The following ARHGAP8 variants were observed in gnomAD, a reference collection of about 807,000 sequenced individuals.
ARHGAP8 encodes the protein Rho GTPase activating protein 8.
ARHGAP8 carries 62 observed loss-of-function variants against 46.1 expected under a neutral mutation model. That is an observed-to-expected ratio of 1.34 (90% CI 1.10 to 1.66). The LOEUF is 1.66. ARHGAP8 is among the 40% of genes most tolerant of loss of function. The probability of loss-of-function intolerance (pLI) is 0.00; values close to 1 mark genes in which losing one functional copy is unlikely to be tolerated. For missense variants in ARHGAP8, 923 were observed against 568.4 expected, an observed-to-expected ratio of 1.62 and a Z score of -6.34; for synonymous variants, 375 against 243.1, an observed-to-expected ratio of 1.54 and a Z score of -5.05.
intron 4 of ARHGAP8, chr22:44,809,613 C>A (rs1261174769): frequency 1.1e-5 from 2 of 174,188 alleles, no homozygotes; most frequent in Admixed American, 6.0e-5. Flanking sequence ...CCCAGGCCCC[C>A]GCCTCCCTCT....
At chr22:44,823,128 A>G (rs1408389072) in intron 6 of ARHGAP8, among the ~76,000 whole-genome samples, 2 of 152,200 alleles carry the variant, frequency 1.3e-5, no homozygotes, top group East Asian at 3.9e-4. Flanking sequence ...TGCAGGGGTA[A>G]TGGAGATAAT....
At chr22:44,779,156 G>A (rs1043674740) in intron 1 of ARHGAP8, among the ~76,000 whole-genome samples, 2 of 147,800 alleles carry the variant, frequency 1.4e-5, no homozygotes, top group African/African-American at 5.0e-5. Flanking sequence ...CTGGAGTGCA[G>A]TGGCGCGATC....
intron 7 of ARHGAP8, among the ~76,000 whole-genome samples, chr22:44,844,197 C>G (rs778173945): frequency 8.5e-5 from 13 of 152,096 alleles, no homozygotes; most frequent in Non-Finnish European, 1.6e-4. Flanking sequence ...GGCTTGAACT[C>G]CTGACCTCGT....
chr22:44,853,215 A>G lies in ARHGAP8; in HGVS notation c.877+4155A>G, dbSNP rs115910265. On this transcript the variant is annotated intron_variant, in intron 10 of 11. Coordinates refer to ENST00000356099, the MANE Select transcript of ARHGAP8 (RefSeq NM_181335.3). ...TGGCAGCAGCTGGCCAGTGAATTCCATAGTTTGCAATTTAGATGTCTTTGG... is the reference window on the plus strand; with the variant it reads ...TGGCAGCAGCTGGCCAGTGAATTCCGTAGTTTGCAATTTAGATGTCTTTGG... 3.6e-3 allele frequency among the ~76,000 whole-genome samples: 546 copies of G among 152,268 alleles called. 8 individuals are homozygous for G. The highest frequency in any genetic ancestry group is 0.012 in the African/African-American group (501 of 41,546).
At chr22:44,793,610 C>T (rs911766028) in intron 2 of ARHGAP8, among the ~76,000 whole-genome samples, 1 of 152,170 alleles carries the variant, frequency 6.6e-6, no homozygotes, top group Non-Finnish European at 1.5e-5. Flanking sequence ...TCGCCGTCCG[C>T]TGGGAGAGAA....
intron 1 of ARHGAP8, among the ~76,000 whole-genome samples, chr22:44,755,233 C>T (rs987483598): frequency 1.3e-5 from 2 of 152,192 alleles, no homozygotes; most frequent in African/African-American, 4.8e-5. Flanking sequence ...CTACAGTGTT[C>T]CCCGTGTCCC....
At chr22:44,812,153 G>A (rs77143586) in intron 4 of ARHGAP8, among the ~76,000 whole-genome samples, 9,868 of 151,836 alleles carry the variant, frequency 0.065, 366 homozygotes, top group African/African-American at 0.089. Context: ...GAACAAATTC[G>A]CACGCAAGTG....
At chr22:44,819,157 C>G (rs1407562702) in intron 5 of ARHGAP8, among the ~76,000 whole-genome samples, 1 of 152,210 alleles carries the variant, frequency 6.6e-6, no homozygotes, top group Non-Finnish European at 1.5e-5. Flanking sequence ...TAGCCTCGAA[C>G]TCCTGGACTC....
chr22:44,793,848 G>C (rs1364012652), intron 2 of ARHGAP8, among the ~76,000 whole-genome samples: 1 of 152,180 alleles, frequency 6.6e-6, no homozygotes, highest in Non-Finnish European at 1.5e-5. Context: ...TTGATGTGCT[G>C]GCCTGTGTTC....
At chr22:44,806,563 C>T (rs1330218186) in intron 3 of ARHGAP8, among the ~76,000 whole-genome samples, 1 of 152,090 alleles carries the variant, frequency 6.6e-6, no homozygotes, top group Non-Finnish European at 1.5e-5. Flanking sequence ...GATAATAGTA[C>T]CTGGCTCCTA....
At chr22:44,764,040 C>T (rs1925360504) in intron 1 of ARHGAP8, among the ~76,000 whole-genome samples, 1 of 152,060 alleles carries the variant, frequency 6.6e-6, no homozygotes, top group Non-Finnish European at 1.5e-5. Context: ...TCTCGATCTC[C>T]TGACCTCATG....
intron 10 of ARHGAP8, among the ~76,000 whole-genome samples, chr22:44,857,894 C>T (rs62232224): frequency 0.15 from 22,606 of 151,618 alleles, 2,207 homozygotes; most frequent in African/African-American, 0.28. Context: ...GGTTGTGACG[C>T]TCAGCTCACC....
chr22:44,846,861 C>A (rs2069969871), intron 8 of ARHGAP8, among the ~76,000 whole-genome samples: 1 of 151,454 alleles, frequency 6.6e-6, no homozygotes, highest in African/African-American at 2.4e-5. Flanking sequence ...CCCTGCCAGA[C>A]CGGGGTCCCT....
In ARHGAP8 at chr22:44,765,620, C is replaced by T. The variant is rs115079830; in HGVS notation, c.-72+12993C>T. Among the ~76,000 whole-genome samples the T allele has an allele frequency of 8.2e-3, 1,251 of 152,286 alleles. 17 individuals are homozygous for T. Among genetic ancestry groups the T allele is most frequent in the African/African-American group, 0.029 (1,200 of 41,562 alleles). On this transcript the variant is annotated intron_variant, in intron 1 of 11. Coordinates refer to ENST00000356099, the MANE Select transcript of ARHGAP8 (RefSeq NM_181335.3). ...TCCCATCATCAAGCATCGGGACCCC[C>T]TCCTGCCTGTCATGAGGTTTGAGTG...
intron 7 of ARHGAP8, among the ~76,000 whole-genome samples, chr22:44,826,702 A>G (rs1252512282): frequency 1.3e-5 from 2 of 152,182 alleles, no homozygotes; most frequent in African/African-American, 4.8e-5. Context: ...CTGGGATTGC[A>G]GGTGTGAGCC....
chr22:44,845,277 AC>A lies in ARHGAP8; in HGVS notation c.606del (p.Asp202GlufsTer12), dbSNP rs772206596. The A allele has an allele frequency of 3.7e-6, 6 of 1,614,130 alleles. No homozygotes were observed. The East Asian group carries it at 1.1e-4, about 30-fold the overall frequency. On this transcript the variant is annotated frameshift_variant, in exon 8 of 12. Transcript: ENST00000356099. LOFTEE classifies it high-confidence loss of function. ...QFGVSLQYLK[D>X]KNQGELIPPV... ...CTTTTCTGTTTTCTCAGCCTCAAAG[AC>A]AAAAATCAAGGCGAACTCATCCCCC...
At chr22:44,825,325 G>A (rs1204573107) in intron 6 of ARHGAP8, among the ~76,000 whole-genome samples, 158 bp from the exon 7 acceptor site, 1 of 152,054 alleles carries the variant, frequency 6.6e-6, no homozygotes, top group East Asian at 1.9e-4. Context: ...GTGACTGTGT[G>A]TATGTGAGTG....
chr22:44,825,957 T>C (rs1051130247), intron 7 of ARHGAP8, among the ~76,000 whole-genome samples: 1 of 133,200 alleles, frequency 7.5e-6, no homozygotes, highest in Non-Finnish European at 1.6e-5. Context: ...CACTGCTCTG[T>C]GCCTGATTGG....
chr22:44,859,030 C>A (rs1414303110), intron 10 of ARHGAP8, among the ~76,000 whole-genome samples: 1 of 151,720 alleles, frequency 6.6e-6, no homozygotes, highest in Non-Finnish European at 1.5e-5. Flanking sequence ...TTGGCAAAAA[C>A]AGGCAGTGGG....
Sources: allele counts gnomAD v4.1 joint callset (sites outside exome capture counted in the v4.1 genomes callset), GRCh38; gene constraint gnomAD v4.1.1; transcripts MANE v1.5; gene names NCBI Gene and HGNC (gene_info 2026-07-23, HGNC 2026-07-21).